The following ADGRB1 variants were observed in gnomAD, a reference collection of about 807,000 sequenced individuals.
The protein encoded by ADGRB1 is adhesion G protein-coupled receptor B1.
ADGRB1 carries 36 observed loss-of-function variants against 175.7 expected under a neutral mutation model. The observed-to-expected ratio is 0.20, with a 90% confidence interval of 0.16 to 0.27. The LOEUF is 0.27. Among genes scored for constraint, ADGRB1 ranks in the 10% least tolerant of loss-of-function variants. ADGRB1 has a pLI of 1.00. For synonymous variants in ADGRB1, 1,054 were observed against 979.4 expected, an observed-to-expected ratio of 1.08 and a Z score of -1.42; for missense variants, 1,731 against 2,255.3, an observed-to-expected ratio of 0.77 and a Z score of 4.71.
In ADGRB1 at chr8:142,449,649, G is replaced by A. The variant is rs1245955234; in HGVS notation, c.-675G>A. On this transcript the variant is annotated 5_prime_UTR_variant, in exon 1 of 31. Coordinates refer to ENST00000517894, the MANE Select transcript of ADGRB1 (RefSeq NM_001702.3). ...CCTCGCCAGGAAGGGGAAAAAAGGC[G>A]AGAAGAGCCGGGCAGGCGAGAGGAG... 2 of 146,388 alleles carry A rather than the reference G, an allele frequency of 1.4e-5. No individual in the cohort carries two copies. The highest frequency in any genetic ancestry group is 2.5e-5 in the African/African-American group (1 of 39,706). The allele number at this position is 146,388 out of a possible 1,614,324, so 9.1% of individuals were successfully genotyped here.
At chr8:142,502,399 ATGGTGGTGG>A (rs1243939678) in intron 17 of ADGRB1, among the ~76,000 whole-genome samples, 2 of 2,642 alleles carry the variant, frequency 7.6e-4, no homozygotes, top group African/African-American at 2.0e-3. Context: ...AGTGGTGGTG[ATGGTGGTGG>A]TGGTGGTGGT....
rs554319783 is a variant in ADGRB1 at position 142,469,596 on chromosome 8, TGTGCAC to T, written c.784+4620_784+4625del. On this transcript the variant is annotated intron_variant, in intron 2 of 30. Coordinates refer to ENST00000517894, the MANE Select transcript of ADGRB1 (RefSeq NM_001702.3). The stretch of plus-strand genomic sequence containing the variant: ...GCATGTGTGCATGTGTGAATGTGTG[TGTGCAC>T]GTGCATGTGTGTGTATGCACGTGCA... 1.8e-4 allele frequency among the ~76,000 whole-genome samples: 27 copies of T among 150,712 alleles called. No homozygotes were observed. The South Asian group carries it at 5.0e-3, about 28-fold the overall frequency.
intron 24 of ADGRB1, among the ~76,000 whole-genome samples, chr8:142,530,750 A>T (rs893128821): frequency 2.0e-5 from 3 of 152,102 alleles, no homozygotes; most frequent in African/African-American, 7.2e-5. Context: ...ATCTCATTCC[A>T]TCAGAGAGAA....
chr8:142,466,860 C>T (rs1316032242), intron 2 of ADGRB1, among the ~76,000 whole-genome samples: 1 of 152,202 alleles, frequency 6.6e-6, no homozygotes, highest in African/African-American at 2.4e-5. Flanking sequence ...GGTCACTTCA[C>T]CCCTCAGAGC....
chr8:142,466,992 A>G (rs1296688712), intron 2 of ADGRB1, among the ~76,000 whole-genome samples: 1 of 152,206 alleles, frequency 6.6e-6, no homozygotes, highest in Non-Finnish European at 1.5e-5. Context: ...TAGCAGCATC[A>G]GGGGGCAGCA....
chr8:142,484,076 C>T (rs927501318), intron 12 of ADGRB1, 31 bp downstream of exon 12: 1 of 1,593,102 alleles, frequency 6.3e-7, no homozygotes, highest in Non-Finnish European at 8.5e-7. Flanking sequence ...GGTCAGCAGC[C>T]TCAGGAGGGG....
At chr8:142,473,232 G>A (rs1020363337) in intron 2 of ADGRB1, among the ~76,000 whole-genome samples, 2 of 152,144 alleles carry the variant, frequency 1.3e-5, no homozygotes, top group African/African-American at 2.4e-5. Context: ...TCAGGCTTCC[G>A]CATGGGGGCT....
chr8:142,517,035 T>G (rs901233660), intron 18 of ADGRB1, among the ~76,000 whole-genome samples: 19 of 151,932 alleles, frequency 1.3e-4, no homozygotes, highest in African/African-American at 4.6e-4. Context: ...GAGGAGAGGA[T>G]GAGCTGAGTG....
Position 142,542,499 on chromosome 8 carries a change from C to A in ADGRB1, c.4265C>A (p.Pro1422His), listed in dbSNP as rs1845336314. 1 of 1,388,260 alleles carries A rather than the reference C, an allele frequency of 7.2e-7. No individual in the cohort carries two copies. Among genetic ancestry groups the A allele is most frequent in the Non-Finnish European group, 9.4e-7 (1 of 1,065,560 alleles). 86.0% of individuals were successfully genotyped at this position (1,388,260 alleles called of 1,614,324 possible). A position where few individuals can be genotyped will look rare whatever the true frequency, so the allele number is the denominator to read the frequency against. ...CCTCCGCCCCCACCGCCACCACCTCCCCAGCAGCCCCTGCCCCCACCGCCC... is the reference window on the plus strand; with the variant it reads ...CCTCCGCCCCCACCGCCACCACCTCACCAGCAGCCCCTGCCCCCACCGCCC... ...PPPPPPPPPPPQQPLPPPPNL... is the reference protein window; with the variant it reads ...PPPPPPPPPPHQQPLPPPPNL... The change falls in exon 28 of 31, where the codon CCC becomes CAC. Residue 1422 changes from proline (P) to histidine (H), a missense_variant. Around this residue, in one of 8 missense-constraint regions of ADGRB1, gnomAD observed 394 missense variants for 410.2 expected, o/e 0.96. Coordinates refer to ENST00000517894, the MANE Select transcript of ADGRB1 (RefSeq NM_001702.3). This position sits in a 1 kb window ranked among gnomAD's most constrained non-coding sequence, Gnocchi z 6.3.
rs978115318 is a variant in ADGRB1 at position 142,537,917 on chromosome 8, C to G, written c.3666+835C>G. 6.6e-6 allele frequency among the ~76,000 whole-genome samples: 1 copy of G among 152,274 alleles called. No homozygotes were observed. Among genetic ancestry groups the G allele is most frequent in the East Asian group, 1.9e-4 (1 of 5,176 alleles). Reference sequence around the variant, plus strand: ...TGGGCTCCTAGTCACCAAGTCTGCTCCCACCCACACCCGTCACTAGACCTC... The same window carrying G: ...TGGGCTCCTAGTCACCAAGTCTGCTGCCACCCACACCCGTCACTAGACCTC... On this transcript the variant is annotated intron_variant, in intron 26 of 30. Coordinates refer to ENST00000517894, the MANE Select transcript of ADGRB1 (RefSeq NM_001702.3). This position sits in a 1 kb window ranked among gnomAD's most constrained non-coding sequence, Gnocchi z 4.6.
intron 18 of ADGRB1, among the ~76,000 whole-genome samples, chr8:142,512,332 G>A (rs573504413): frequency 1.6e-4 from 25 of 152,330 alleles, no homozygotes; most frequent in African/African-American, 5.5e-4. Context: ...GGGCCATCTC[G>A]GAGGCTCCCT....
At chr8:142,509,901 C>G (rs1842992920) in intron 17 of ADGRB1, among the ~76,000 whole-genome samples, 1 of 152,174 alleles carries the variant, frequency 6.6e-6, no homozygotes, top group Admixed American at 6.5e-5. Flanking sequence ...GCTGGGGACT[C>G]AGCCTCAGAG....
chr8:142,513,144 T>C (rs533418274), intron 18 of ADGRB1, among the ~76,000 whole-genome samples: 143 of 152,232 alleles, frequency 9.4e-4, no homozygotes, highest in African/African-American at 3.2e-3. Context: ...AGACAGGACA[T>C]TTGAGGCCGG....
At chr8:142,469,480 A>AGTGTGTATGCACGTGCATGTGTGAATGT (rs1418118709) in intron 2 of ADGRB1, among the ~76,000 whole-genome samples, 27 of 101,142 alleles carry the variant, frequency 2.7e-4, no homozygotes, top group Admixed American at 9.6e-4. Context: ...TGCATGTGTG[A>AGTGTGTATGCACGTGCATGTGTGAATGT]GTGTGTATGC....
In ADGRB1 at chr8:142,455,376, C is replaced by T. The variant is rs1003333584; in HGVS notation, c.-220+5272C>T. On this transcript the variant is annotated intron_variant, in intron 1 of 30. Coordinates refer to ENST00000517894, the MANE Select transcript of ADGRB1 (RefSeq NM_001702.3). This position sits in a 1 kb window ranked among gnomAD's most constrained non-coding sequence, Gnocchi z 4.9. The stretch of plus-strand genomic sequence containing the variant: ...CCCATGGCTGTCCTCCTGCTTGTGG[C>T]GTTCTGTTCTCTCGGGCATCCCTCT... Among the ~76,000 whole-genome samples, 5 of 152,020 alleles carry T rather than the reference C, an allele frequency of 3.3e-5. No individual in the cohort carries two copies. The highest frequency in any genetic ancestry group is 1.3e-4 in the Admixed American group (2 of 15,266).
intron 12 of ADGRB1, 98 bp downstream of exon 12, chr8:142,484,143 G>A (rs534355707): frequency 2.5e-5 from 26 of 1,033,302 alleles, no homozygotes; most frequent in African/African-American, 1.5e-4. Context: ...GGGTCCCGCC[G>A]GGTGCTCTGG....
At chr8:142,524,350 C>T (rs778492976) in intron 23 of ADGRB1, 46 bp downstream of exon 23, 3 of 1,531,696 alleles carry the variant, frequency 2.0e-6, no homozygotes, top group Non-Finnish European at 2.6e-6. Context: ...CACCTGGGCC[C>T]CCCACCTGCC....
intron 26 of ADGRB1, among the ~76,000 whole-genome samples, chr8:142,538,899 G>A (rs562941527): frequency 2.6e-4 from 39 of 152,288 alleles, no homozygotes; most frequent in African/African-American, 8.2e-4. Flanking sequence ...GGCCTGGGGG[G>A]AGAGATGAGA....
chr8:142,510,929 CAG>C lies in ADGRB1; in HGVS notation c.2676-1_2676del. The C allele has an allele frequency of 2.2e-5, 27 of 1,214,312 alleles. No individual in the cohort carries two copies. Among genetic ancestry groups the C allele is most frequent in the Admixed American group, 6.6e-5 (2 of 30,486 alleles). 75.2% of individuals were successfully genotyped at this position (1,214,312 alleles called of 1,614,324 possible). A position where few individuals can be genotyped will look rare whatever the true frequency, so the allele number is the denominator to read the frequency against. On this transcript the variant is annotated splice_acceptor_variant, in intron 17 of 30. Coordinates refer to ENST00000517894, the MANE Select transcript of ADGRB1 (RefSeq NM_001702.3). LOFTEE classifies it high-confidence loss of function. This position sits in a 1 kb window ranked among gnomAD's most constrained non-coding sequence, Gnocchi z 6.3. The stretch of plus-strand genomic sequence containing the variant: ...CTCCCTCCCGTGTCCCGCCCGCCCC[CAG>C]ACCCTCCTCCTCCGCCCCCCCGCAG...
Sources: gnomAD v4.1 joint callset for allele counts (sites outside exome capture counted in the v4.1 genomes callset) on GRCh38, gnomAD v4.1.1 for gene constraint, gnomAD v4.1.1 regional missense constraint, Gnocchi (gnomAD v3.1) non-coding constraint, MANE v1.5 for transcripts, NCBI Gene and HGNC (gene_info 2026-07-23, HGNC 2026-07-21) for gene names.